Variants in EHMT1 observed in about 807,000 individuals in gnomAD.
EHMT1 encodes the protein histone-lysine N-methyltransferase EHMT1.
Under a neutral mutation model 147.2 loss-of-function variants are expected in EHMT1, and 15 were observed. That is an observed-to-expected ratio of 0.10 (90% CI 0.07 to 0.16). The LOEUF (loss-of-function observed/expected upper bound fraction) is 0.16. Among genes scored for constraint, EHMT1 ranks in the 10% least tolerant of loss-of-function variants. EHMT1 has a pLI of 1.00. For missense variants in EHMT1, 1,587 were observed against 1,772.4 expected, an observed-to-expected ratio of 0.90 and a Z score of 1.88; for synonymous variants, 795 against 709.6, an observed-to-expected ratio of 1.12 and a Z score of -1.91.
intron 1 of EHMT1, among the ~76,000 whole-genome samples, chr9:137,668,807 T>C (rs113810007): frequency 2.6e-5 from 4 of 152,324 alleles, no homozygotes; most frequent in African/African-American, 9.6e-5. Context: ...GACCTGGGTT[T>C]TCATTTCTTC....
At chr9:137,635,355 C>A (rs1489111620) in intron 1 of EHMT1, among the ~76,000 whole-genome samples, 1 of 151,496 alleles carries the variant, frequency 6.6e-6, no homozygotes, top group Non-Finnish European at 1.5e-5. Context: ...TACAGGCACC[C>A]ATCGCCACGC....
chr9:137,814,069 CCCG>C (rs1278422991), intron 21 of EHMT1, among the ~76,000 whole-genome samples: 2 of 91,910 alleles, frequency 2.2e-5, no homozygotes, highest in African/African-American at 6.1e-5. Flanking sequence ...CCCCCCCCCC[CCCG>C]CCCCCCGCCC....
chr9:137,814,152 C>G (rs2137748308), intron 21 of EHMT1: 1 of 522,104 alleles, frequency 1.9e-6, no homozygotes, highest in East Asian at 3.5e-5. Context: ...CAGCCGCCGC[C>G]CAGCCCTTCA....
chr9:137,669,548 C>G (rs1480996995), intron 1 of EHMT1, among the ~76,000 whole-genome samples: 1 of 18,430 alleles, frequency 5.4e-5, no homozygotes, highest in Non-Finnish European at 1.2e-4. Context: ...CAAGACGCCC[C>G]GCACAGCACG....
At chr9:137,779,288 C>T (rs530451499) in intron 13 of EHMT1, among the ~76,000 whole-genome samples, 19 of 152,370 alleles carry the variant, frequency 1.2e-4, no homozygotes, top group African/African-American at 3.8e-4. Context: ...GGGCTGGTCC[C>T]GGCTGTGCTG....
chr9:137,728,584 C>T, intron 4 of EHMT1, 55 bp downstream of exon 4: 2 of 1,610,838 alleles, frequency 1.2e-6, no homozygotes, highest in South Asian at 1.1e-5. Context: ...TCGAGCCTGC[C>T]CCTTGCCAGG....
At chr9:137,803,817 C>G (rs973091730) in intron 18 of EHMT1, among the ~76,000 whole-genome samples, 1 of 150,878 alleles carries the variant, frequency 6.6e-6, no homozygotes, top group Non-Finnish European at 1.5e-5. Flanking sequence ...CACCACTGCA[C>G]CCCAGCCTGT....
chr9:137,637,146 C>T (rs2133749574), intron 1 of EHMT1, among the ~76,000 whole-genome samples: 1 of 151,806 alleles, frequency 6.6e-6, no homozygotes. Flanking sequence ...ATCTGCCCGT[C>T]TCCACCTCCC....
chr9:137,717,261 TGAG>T lies in EHMT1; in HGVS notation c.642+83_642+85del, dbSNP rs941530093. 5 of 1,541,946 alleles carry T rather than the reference TGAG, an allele frequency of 3.2e-6. No homozygotes were observed. In the African/African-American group the frequency reaches 4.1e-5, roughly 13 times the overall value. On this transcript the variant is annotated intron_variant, in intron 3 of 26. Transcript: ENST00000460843. ...TAACGGCAAATGGACTTTGGTGCAT[TGAG>T]GAGAAGCCAGTAAGTGTCAGTGGTT...
At chr9:137,714,340 T>C (rs1945008239) in intron 2 of EHMT1, among the ~76,000 whole-genome samples, 1 of 152,222 alleles carries the variant, frequency 6.6e-6, no homozygotes, top group Non-Finnish European at 1.5e-5. Context: ...CTAAGTGTTT[T>C]GACCATGAAG....
At chr9:137,654,162 G>A (rs1204241964) in intron 1 of EHMT1, among the ~76,000 whole-genome samples, 1 of 152,138 alleles carries the variant, frequency 6.6e-6, no homozygotes, top group South Asian at 2.1e-4. Flanking sequence ...TCAGGAGTGC[G>A]AGACCAGCTT....
At chr9:137,816,908 G>A in intron 23 of EHMT1, 1 of 218,382 alleles carries the variant, frequency 4.6e-6, no homozygotes, top group Non-Finnish European at 9.3e-6. Flanking sequence ...AGGCCCACAT[G>A]CCAGGACCGC....
rs568730664 is a variant in EHMT1 at position 137,801,127 on chromosome 9, G to C, written c.2712+143G>C. The C allele has an allele frequency of 7.2e-5, 53 of 741,044 alleles. 1 individual carries two copies. The highest frequency in any genetic ancestry group is 6.5e-4 in the Admixed American group (32 of 49,378). The allele number at this position is 741,044 out of a possible 1,614,324, so 45.9% of individuals were successfully genotyped here. Reference sequence around the variant, plus strand: ...CCTGTGGCAGCATCGGCCCGGCACTGTGCTGTGGCTGTCCTGTGCTGGATG... The same window carrying C: ...CCTGTGGCAGCATCGGCCCGGCACTCTGCTGTGGCTGTCCTGTGCTGGATG... On this transcript the variant is annotated intron_variant, in intron 18 of 26. Coordinates refer to ENST00000460843, the MANE Select transcript of EHMT1 (RefSeq NM_024757.5).
chr9:137,653,982 G>C (rs1564544435), intron 1 of EHMT1, among the ~76,000 whole-genome samples: 2 of 152,146 alleles, frequency 1.3e-5, no homozygotes, highest in Admixed American at 6.5e-5. Context: ...GTATGAAGCA[G>C]GGGTCCATCT....
chr9:137,761,275 A>C (rs1346595546), intron 9 of EHMT1, among the ~76,000 whole-genome samples: 2 of 152,130 alleles, frequency 1.3e-5, no homozygotes, highest in African/African-American at 2.4e-5. Flanking sequence ...GTAGAGCTTA[A>C]GTTTTATTTT....
intron 25 of EHMT1, among the ~76,000 whole-genome samples, chr9:137,830,715 G>GTGAT (rs753577089): frequency 3.9e-5 from 6 of 152,206 alleles, no homozygotes; most frequent in Admixed American, 6.5e-5. Context: ...TGTTGCTTGT[G>GTGAT]TGATTGTGTC....
intron 1 of EHMT1, among the ~76,000 whole-genome samples, chr9:137,652,986 C>G (rs1369754789): frequency 1.3e-5 from 2 of 152,172 alleles, no homozygotes; most frequent in Admixed American, 1.3e-4. Flanking sequence ...CCTTGGCCTC[C>G]CAAAGTGCTG....
At chr9:137,829,756 T>G (rs1956065610) in intron 25 of EHMT1, among the ~76,000 whole-genome samples, 1 of 152,218 alleles carries the variant, frequency 6.6e-6, no homozygotes, top group Admixed American at 6.5e-5. Flanking sequence ...TGGTGTCACC[T>G]CACTTGTTCT....
At chr9:137,742,289 TTGTGTGTGTGTGTGTGTG>T (rs56080406) in intron 4 of EHMT1, among the ~76,000 whole-genome samples, 3 of 135,070 alleles carry the variant, frequency 2.2e-5, no homozygotes, top group Admixed American at 7.6e-5. Context: ...AGAACCAAAT[TTGTGTGTGTGTGTGTGTG>T]TGTGTGTGTG....
Sources: gnomAD v4.1 joint callset for allele counts (sites outside exome capture counted in the v4.1 genomes callset) on GRCh38, gnomAD v4.1.1 for gene constraint, MANE v1.5 for transcripts, NCBI Gene and HGNC (gene_info 2026-07-23, HGNC 2026-07-21) for gene names.